Variants in CNTN1 observed in about 807,000 individuals in gnomAD.
CNTN1 encodes contactin 1.
Under a neutral mutation model 126.4 loss-of-function variants are expected in CNTN1, and 38 were observed. The ratio of observed to expected loss-of-function variants is 0.30; its 90% confidence interval spans 0.23 to 0.39. The LOEUF (loss-of-function observed/expected upper bound fraction) is 0.39, where lower values mean the gene tolerates loss of function less well. CNTN1 is among the 10% of genes least tolerant of loss of function. CNTN1 has a pLI of 1.00. For synonymous variants in CNTN1, 413 were observed against 422.6 expected, an observed-to-expected ratio of 0.98 and a Z score of 0.28; for missense variants, 1,009 against 1,248.4, an observed-to-expected ratio of 0.81 and a Z score of 2.89.
intron 23 of CNTN1, among the ~76,000 whole-genome samples, chr12:41,065,058 A>AT (rs1480982271): frequency 6.6e-6 from 1 of 151,042 alleles, no homozygotes; most frequent in Non-Finnish European, 1.5e-5. Flanking sequence ...GCTTTATTTT[A>AT]TTTTTTTATT....
At chr12:40,987,266 A>C (rs1947978105) in intron 16 of CNTN1, among the ~76,000 whole-genome samples, 1 of 152,202 alleles carries the variant, frequency 6.6e-6, no homozygotes, top group South Asian at 2.1e-4. Context: ...AATATGTTTC[A>C]AAGATATCAA....
intron 14 of CNTN1, among the ~76,000 whole-genome samples, chr12:40,951,715 TAAAAAAAAA>T (rs71078286): frequency 9.1e-6 from 1 of 110,026 alleles, no homozygotes; most frequent in Non-Finnish European, 1.8e-5. Flanking sequence ...TCTCAAAATT[TAAAAAAAAA>T]AAAAAAAAAA....
intron 1 of CNTN1, among the ~76,000 whole-genome samples, chr12:40,842,106 A>G (rs1011502592): frequency 6.6e-6 from 1 of 152,074 alleles, no homozygotes; most frequent in African/African-American, 2.4e-5. Context: ...TAAAAAGGTC[A>G]CTTTGCTTGA....
chr12:41,001,166 C>T (rs1049100840), intron 17 of CNTN1, among the ~76,000 whole-genome samples: 8 of 152,054 alleles, frequency 5.3e-5, no homozygotes, highest in South Asian at 2.1e-4. Flanking sequence ...ATTGCTAGGT[C>T]GAATAGTATT....
intron 3 of CNTN1, among the ~76,000 whole-genome samples, 184 bp downstream of exon 3, chr12:40,910,289 T>G (rs1944980018): frequency 6.6e-6 from 1 of 152,184 alleles, no homozygotes; most frequent in Admixed American, 6.5e-5. Context: ...AGTGGATACA[T>G]CATAAACAAA....
chr12:41,013,685 A>G (rs534756604), intron 17 of CNTN1, among the ~76,000 whole-genome samples: 2 of 152,312 alleles, frequency 1.3e-5, no homozygotes, highest in East Asian at 1.9e-4. Context: ...AACTGATACT[A>G]CAAGATGATA....
chr12:40,750,010 G>T (rs1938343727), intron 1 of CNTN1, among the ~76,000 whole-genome samples: 1 of 152,036 alleles, frequency 6.6e-6, no homozygotes, highest in Non-Finnish European at 1.5e-5. Context: ...CCTTTAATTT[G>T]GTGGTGTAGA....
At chr12:41,010,638 G>A (rs1948624525) in intron 17 of CNTN1, among the ~76,000 whole-genome samples, 1 of 152,122 alleles carries the variant, frequency 6.6e-6, no homozygotes, top group African/African-American at 2.4e-5. Context: ...TTGTCCCTTA[G>A]GATGAGCTGT....
At chr12:40,899,173 C>T (rs1456496749) in intron 1 of CNTN1, among the ~76,000 whole-genome samples, 2 of 152,170 alleles carry the variant, frequency 1.3e-5, no homozygotes, top group African/African-American at 4.8e-5. Flanking sequence ...ACATTCTATC[C>T]TGCTGACATA....
At chr12:40,811,704 A>G (rs746433358) in intron 1 of CNTN1, among the ~76,000 whole-genome samples, 1 of 151,822 alleles carries the variant, frequency 6.6e-6, no homozygotes, top group Non-Finnish European at 1.5e-5. Flanking sequence ...TGTTCATAGT[A>G]GCCTCTTAGA....
intron 1 of CNTN1, among the ~76,000 whole-genome samples, chr12:40,760,835 G>GCGCGCACACA (rs1555152658): frequency 6.6e-6 from 1 of 150,450 alleles, no homozygotes; most frequent in African/African-American, 2.4e-5. Context: ...TCAAAATAAT[G>GCGCGCACACA]CACACACACA....
Position 41,025,307 on chromosome 12 carries a change from A to G in CNTN1, c.2681A>G (p.Asp894Gly), listed in dbSNP as rs1212527710. The G allele has an allele frequency of 6.2e-7, 1 of 1,613,430 alleles. No individual in the cohort carries two copies. The highest frequency in any genetic ancestry group is 1.3e-5 in the African/African-American group (1 of 74,882). Residue 894 changes from aspartate to glycine, a missense_variant, in exon 21 of 24, where the codon GAC (aspartate) becomes GGC (glycine). Coordinates refer to ENST00000551295, the MANE Select transcript of CNTN1 (RefSeq NM_001843.4). ...CNSAGCGPPS[D>G]MIEAFTKKAP... ...AGTGCAGGGTGTGGACCTCCAAGTGACATGATTGAGGCTTTCACCAAGAAA... is the reference window on the plus strand; with the variant it reads ...AGTGCAGGGTGTGGACCTCCAAGTGGCATGATTGAGGCTTTCACCAAGAAA...
intron 1 of CNTN1, among the ~76,000 whole-genome samples, chr12:40,809,588 G>T (rs996263252): frequency 3.3e-5 from 5 of 152,126 alleles, no homozygotes; most frequent in Admixed American, 2.0e-4. Flanking sequence ...ACTTTGGGAG[G>T]CCAAGGCAGG....
intron 15 of CNTN1, chr12:40,972,685 T>A (rs1592346217): frequency 1.0e-6 from 1 of 963,490 alleles, no homozygotes; most frequent in Non-Finnish European, 1.2e-6. Context: ...CAAAAGGAGC[T>A]ATCTTAGAAC....
intron 1 of CNTN1, among the ~76,000 whole-genome samples, chr12:40,770,915 C>T (rs576496043): frequency 1.1e-4 from 17 of 151,854 alleles, no homozygotes; most frequent in Non-Finnish European, 2.1e-4. Flanking sequence ...TAAGCAGGGG[C>T]GGGTGCATTA....
intron 1 of CNTN1, among the ~76,000 whole-genome samples, chr12:40,713,088 T>G (rs772624975): frequency 2.6e-5 from 4 of 152,164 alleles, no homozygotes; most frequent in Non-Finnish European, 5.9e-5. Context: ...TTCTGCAAAC[T>G]GTGCAAGAAA....
chr12:40,712,244 T>C (rs1214425863), intron 1 of CNTN1, among the ~76,000 whole-genome samples: 1 of 152,120 alleles, frequency 6.6e-6, no homozygotes, highest in Non-Finnish European at 1.5e-5. Context: ...GAAAAAACTT[T>C]TGATAGTTTG....
chr12:40,794,700 T>C (rs1309074309), intron 1 of CNTN1, among the ~76,000 whole-genome samples: 3 of 152,066 alleles, frequency 2.0e-5, no homozygotes, highest in African/African-American at 7.2e-5. Flanking sequence ...GAAAAGTTAC[T>C]ATAATTCTGA....
intron 18 of CNTN1, among the ~76,000 whole-genome samples, chr12:41,014,686 G>C (rs2120731098): frequency 6.6e-6 from 1 of 152,256 alleles, no homozygotes; most frequent in South Asian, 2.1e-4. Flanking sequence ...ATTGGAGACT[G>C]CCTCCTCACT....
Sources: gnomAD v4.1 joint callset for allele counts (sites outside exome capture counted in the v4.1 genomes callset) on GRCh38, gnomAD v4.1.1 for gene constraint, MANE v1.5 for transcripts, NCBI Gene and HGNC (gene_info 2026-07-23, HGNC 2026-07-21) for gene names.